NLRP14: variants seen among roughly 807,000 people sequenced by gnomAD.
NLRP14 encodes NLR family pyrin domain containing 14, also known as NACHT, LRR and PYD domains-containing protein 14.
NLRP14 carries 105 observed loss-of-function variants against 94.7 expected under a neutral mutation model. The observed-to-expected ratio is 1.11, with a 90% CI of 0.95 to 1.30. NLRP14 has a LOEUF of 1.30. Ranked by LOEUF, NLRP14 falls within the 50% of genes most tolerant of loss-of-function variation. The pLI, the probability that NLRP14 is intolerant of heterozygous loss-of-function variation, is 0.00. For missense variants in NLRP14, 1,362 were observed against 1,254.1 expected (o/e 1.09, Z -1.30); for synonymous variants, 508 against 459.9 (o/e 1.10, Z -1.34).
chr11:7,077,994 G>T, the NLRP14 span, among the ~76,000 whole-genome samples: 1 of 152,138 alleles, frequency 6.6e-6, no homozygotes, highest in East Asian at 1.9e-4. Context: ...TAGAGTTTCA[G>T]TTTTGCAAGA....
chr11:7,076,642 T>A, the NLRP14 span, among the ~76,000 whole-genome samples: 1 of 152,232 alleles, frequency 6.6e-6, no homozygotes, highest in Admixed American at 6.5e-5. Flanking sequence ...CTATCTTATA[T>A]ATCATCATCT....
rs749991807 is a variant in NLRP14, at chr11:7,042,736, G to C, written c.710G>C (p.Trp237Ser). Reference protein sequence around the residue: ...RSFAQLISKDWPSTEGPIEEI... With the variant: ...RSFAQLISKDSPSTEGPIEEI... ...TTTGCTCAATTGATATCAAAGGACT[G>C]GCCCAGCACAGAAGGCCCCATTGAA... The change falls in exon 4 of 12, where the codon TGG becomes TCG. Residue 237 changes from tryptophan (W) to serine (S), a missense_variant. Coordinates refer to ENST00000299481, the MANE Select transcript of NLRP14 (RefSeq NM_176822.4). The C allele has an allele frequency of 1.5e-5, 25 of 1,614,100 alleles. No homozygotes were observed. The highest frequency in any genetic ancestry group is 2.1e-5 in the Non-Finnish European group (25 of 1,180,042).
the NLRP14 span, among the ~76,000 whole-genome samples, chr11:7,088,544 A>C: frequency 1.3e-5 from 2 of 152,236 alleles, no homozygotes; most frequent in South Asian, 4.1e-4. Flanking sequence ...TAAAGACAAT[A>C]GCACCAAATA....
intron 11 of NLRP14, 148 bp downstream of exon 11, chr11:7,070,604 G>A: frequency 3.2e-6 from 2 of 623,180 alleles, no homozygotes; most frequent in East Asian, 2.8e-5. Context: ...ATAGAACACT[G>A]AATATTGAGA....
intron 1 of NLRP14, among the ~76,000 whole-genome samples, chr11:7,023,464 CTA>C (rs1017294122): frequency 1.2e-4 from 18 of 144,212 alleles, no homozygotes; most frequent in Non-Finnish European, 1.5e-5. Flanking sequence ...ATGTATAAAT[CTA>C]TTTTTACACA....
chr11:7,036,708 A>T (rs1852167655), intron 1 of NLRP14, among the ~76,000 whole-genome samples: 1 of 146,788 alleles, frequency 6.8e-6, no homozygotes, highest in African/African-American at 2.4e-5. Context: ...ATTTCAGTGG[A>T]ATTGTGGTGG....
intron 6 of NLRP14, among the ~76,000 whole-genome samples, chr11:7,057,276 C>G (rs1852529718): frequency 6.6e-6 from 1 of 152,024 alleles, no homozygotes; most frequent in African/African-American, 2.4e-5. Context: ...ACGGGAGACA[C>G]AGCTTTTGCT....
chr11:7,070,431 C>CCT lies in NLRP14; in HGVS notation c.3122_3123dup (p.Lys1042LeufsTer8). On this transcript the variant is annotated frameshift_variant, in exon 11 of 12. Coordinates refer to ENST00000299481, the MANE Select transcript of NLRP14 (RefSeq NM_176822.4). LOFTEE classifies it low-confidence loss of function (END_TRUNC). Reference sequence around the variant, plus strand: ...GAAGTTATATAAAGTCTTGAAGTCTCCTAAGTGTAAACTACAAGTTCTAGG... The same window carrying CCT: ...GAAGTTATATAAAGTCTTGAAGTCTCCTCTAAGTGTAAACTACAAGTTCTAGG... The CCT allele has an allele frequency of 6.2e-7, 1 of 1,611,582 alleles. No homozygotes were observed. The highest frequency in any genetic ancestry group is 8.5e-7 in the Non-Finnish European group (1 of 1,178,086).
downstream of NLRP14, among the ~76,000 whole-genome samples, chr11:7,074,800 G>A (rs1318832950): frequency 6.6e-6 from 1 of 152,140 alleles, no homozygotes; most frequent in Non-Finnish European, 1.5e-5. Flanking sequence ...GATCTGAAGA[G>A]GTTTAGTATT....
rs772554417 is a variant in NLRP14 at position 7,070,421 on chromosome 11, C to G, written c.3111C>G (p.Val1037=). ...GYEGIVKLYK[V]LKSPKCKLQV... ...AAGGAATTGTGAAGTTATATAAAGT[C>G]TTGAAGTCTCCTAAGTGTAAACTAC... The change falls in exon 11 of 12, where the codon GTC becomes GTG. Residue 1037 remains valine (V), a synonymous_variant. Coordinates refer to ENST00000299481, the MANE Select transcript of NLRP14 (RefSeq NM_176822.4). 74 of 1,611,582 alleles carry G rather than the reference C, an allele frequency of 4.6e-5. No homozygotes were observed. Among genetic ancestry groups the G allele is most frequent in the Non-Finnish European group, 6.1e-5 (72 of 1,178,106 alleles).
At chr11:7,034,239 C>T (rs1293247177) in intron 1 of NLRP14, among the ~76,000 whole-genome samples, 1 of 152,178 alleles carries the variant, frequency 6.6e-6, no homozygotes, top group Non-Finnish European at 1.5e-5. Context: ...GACTCATGGA[C>T]ATTTGCTTTG....
At chr11:7,059,011 T>C (rs866078263) in intron 8 of NLRP14, among the ~76,000 whole-genome samples, 12 of 151,928 alleles carry the variant, frequency 7.9e-5, no homozygotes, top group African/African-American at 2.9e-4. Context: ...TTTAACACCC[T>C]CATTGGACAT....
At chr11:7,059,513 T>C (rs1852577885) in intron 8 of NLRP14, among the ~76,000 whole-genome samples, 1 of 152,000 alleles carries the variant, frequency 6.6e-6, no homozygotes, top group Non-Finnish European at 1.5e-5. Flanking sequence ...AATATGGATT[T>C]TCCTTACTGT....
At chr11:7,055,358 A>C (rs1000624543) in intron 6 of NLRP14, among the ~76,000 whole-genome samples, 6 of 152,020 alleles carry the variant, frequency 3.9e-5, no homozygotes, top group Non-Finnish European at 7.4e-5. Context: ...TTCGGCAACA[A>C]CTCTCCTGTT....
Position 7,038,586 on chromosome 11 carries a change from G to A in NLRP14, c.-1G>A, listed in dbSNP as rs1302599358. 6.2e-7 allele frequency: 1 copy of A among 1,613,388 alleles called. No homozygotes were observed. Among genetic ancestry groups the A allele is most frequent in the Admixed American group, 1.7e-5 (1 of 60,004 alleles). The stretch of plus-strand genomic sequence containing the variant: ...CACAGAGGCCTGAATATTTGGACAA[G>A]ATGGCAGATTCATCATCATCTTCTT... On this transcript the variant is annotated 5_prime_UTR_variant, in exon 2 of 12. Coordinates refer to ENST00000299481, the MANE Select transcript of NLRP14 (RefSeq NM_176822.4).
At position 7,071,188 on chromosome 11, in the gene NLRP14, A is replaced by G; in HGVS notation, c.3162A>G (p.Ala1054=). Residue 1054 remains alanine, a synonymous_variant, in exon 12 of 12, where the codon GCA becomes GCG. Transcript: ENST00000299481. ...KLQVLGLCKE[A]FDEEAQKLLE... ...GTTTTCTCAGGTTGTGCAAAGAGGC[A>G]TTTGATGAGGAAGCCCAGAAGCTGC... 1.9e-6 allele frequency: 3 copies of G among 1,614,062 alleles called. No homozygotes were observed. Among genetic ancestry groups the G allele is most frequent in the Non-Finnish European group, 1.7e-6 (2 of 1,180,004 alleles).
rs1205470173 is a variant in NLRP14, at chr11:7,058,780, A to G, written c.2633+330A>G. 2.6e-5 allele frequency among the ~76,000 whole-genome samples: 4 copies of G among 152,096 alleles called. No individual in the cohort carries two copies. In the South Asian group the frequency reaches 6.2e-4, roughly 24 times the overall value. On this transcript the variant is annotated intron_variant, in intron 8 of 11. Transcript: ENST00000299481. ...CTCACAAGAAAATGATGAATTTAGA[A>G]CTAAAGCCTACCACCTATCCTAGTC...
chr11:7,055,244 C>A (rs1383515797), intron 6 of NLRP14, among the ~76,000 whole-genome samples: 1 of 152,094 alleles, frequency 6.6e-6, no homozygotes, highest in Non-Finnish European at 1.5e-5. Flanking sequence ...TGAAGCCTAT[C>A]CTCTTAGTGG....
chr11:7,046,860 G>C (rs369605100), intron 5 of NLRP14, 28 bp downstream of exon 5: 49 of 1,561,476 alleles, frequency 3.1e-5, no homozygotes, highest in Non-Finnish European at 4.3e-5. Context: ...AAATTTAATG[G>C]AGTTATTCTA....
Sources: allele counts gnomAD v4.1 joint callset (sites outside exome capture counted in the v4.1 genomes callset), GRCh38; gene constraint gnomAD v4.1.1; transcripts MANE v1.5; gene names NCBI Gene and HGNC (gene_info 2026-07-23, HGNC 2026-07-21).